GOLM2: variants seen among roughly 807,000 people sequenced by gnomAD.
The protein encoded by GOLM2 is golgi membrane protein 2.
In GOLM2, 26 loss-of-function variants were observed where a neutral mutation model predicts 55.9. That is an observed-to-expected ratio of 0.47 (90% CI 0.34 to 0.65). GOLM2 has a LOEUF of 0.65. GOLM2 is among the 30% of genes least tolerant of loss of function. The probability of loss-of-function intolerance (pLI) is 0.01; values close to 1 mark genes in which losing one functional copy is unlikely to be tolerated. For missense variants in GOLM2, 486 were observed against 531.8 expected, an observed-to-expected ratio of 0.91 and a Z score of 0.85; for synonymous variants, 165 against 194.6, an observed-to-expected ratio of 0.85 and a Z score of 1.27.
chr15:44,405,694 C>T (rs1374277466), intron 9 of GOLM2, among the ~76,000 whole-genome samples: 2 of 151,938 alleles, frequency 1.3e-5, no homozygotes, highest in African/African-American at 4.8e-5. Context: ...GATCTCAGCT[C>T]ACTGCAACCT....
At chr15:44,331,951 A>C (rs1424292904) in intron 3 of GOLM2, 37 bp from the exon 4 acceptor site, 2 of 1,397,366 alleles carry the variant, frequency 1.4e-6, no homozygotes, top group African/African-American at 2.8e-5. Flanking sequence ...ATCCAATCCA[A>C]GATAATATAA....
At chr15:44,306,342 C>T (rs1279190241) in intron 1 of GOLM2, among the ~76,000 whole-genome samples, 1 of 152,004 alleles carries the variant, frequency 6.6e-6, no homozygotes, top group African/African-American at 2.4e-5. Flanking sequence ...CCTCTGCTGG[C>T]TTCCGACTTT....
chr15:44,363,424 C>A (rs1490927909), intron 6 of GOLM2, among the ~76,000 whole-genome samples: 1 of 152,096 alleles, frequency 6.6e-6, no homozygotes, highest in Admixed American at 6.6e-5. Flanking sequence ...ATTTATGCAG[C>A]CAAAAAACAC....
intron 1 of GOLM2, among the ~76,000 whole-genome samples, chr15:44,316,647 C>T (rs1405493109): frequency 6.6e-6 from 1 of 151,496 alleles, no homozygotes; most frequent in African/African-American, 2.4e-5. Flanking sequence ...CCCAGCTGCC[C>T]AGGAGGCTGA....
intron 2 of GOLM2, among the ~76,000 whole-genome samples, chr15:44,327,411 T>G (rs1218996760): frequency 2.0e-5 from 3 of 151,918 alleles, no homozygotes; most frequent in Admixed American, 1.3e-4. Flanking sequence ...TATATCTATA[T>G]CTCCCTTTTT....
intron 8 of GOLM2, among the ~76,000 whole-genome samples, chr15:44,396,431 C>CG: frequency 6.6e-6 from 1 of 152,164 alleles, no homozygotes; most frequent in East Asian, 1.9e-4. Context: ...TCTCATTTAA[C>CG]ATTTGCTTTC....
chr15:44,337,899 A>G lies in GOLM2; in HGVS notation c.713A>G (p.His238Arg), dbSNP rs144496050. The G allele has an allele frequency of 6.3e-7, 1 of 1,592,468 alleles. No individual in the cohort carries two copies. Among genetic ancestry groups the G allele is most frequent in the African/African-American group, 1.4e-5 (1 of 73,600 alleles). The part of the protein sequence containing the change: ...NEEPSSNHIP[H>R]GKEQIKRGGD... ...GAACCCTCAAGCAATCATATTCCACATGGGAAAGGTATTATTGTTATTATT... is the reference window on the plus strand; with the variant it reads ...GAACCCTCAAGCAATCATATTCCACGTGGGAAAGGTATTATTGTTATTATT... The change falls in exon 5 of 10, where the codon CAT (histidine) becomes CGT (arginine). Residue 238 changes from histidine (H) to arginine (R), a missense_variant. Transcript: ENST00000299957.
chr15:44,394,847 G>A (rs1444118568), intron 8 of GOLM2, among the ~76,000 whole-genome samples: 2 of 152,048 alleles, frequency 1.3e-5, no homozygotes, highest in Non-Finnish European at 2.9e-5. Flanking sequence ...ACTACCAAAT[G>A]AATAAATGAA....
intron 1 of GOLM2, among the ~76,000 whole-genome samples, chr15:44,321,031 C>T (rs2141129308): frequency 6.6e-6 from 1 of 152,272 alleles, no homozygotes; most frequent in East Asian, 1.9e-4. Flanking sequence ...TCCCGGATCT[C>T]TGGATTCTTG....
chr15:44,402,580 G>T (rs1001730058), intron 8 of GOLM2: 3 of 253,080 alleles, frequency 1.2e-5, no homozygotes, highest in African/African-American at 4.4e-5. Flanking sequence ...TTATATTAGA[G>T]AAGTCATTGG....
intron 6 of GOLM2, among the ~76,000 whole-genome samples, chr15:44,369,823 C>T (rs1211422204): frequency 1.3e-5 from 2 of 151,696 alleles, no homozygotes; most frequent in African/African-American, 4.8e-5. Context: ...ATGTGTGTAA[C>T]TTGAGTCCTA....
chr15:44,330,829 G>A (rs2079018207), intron 3 of GOLM2, among the ~76,000 whole-genome samples: 1 of 152,022 alleles, frequency 6.6e-6, no homozygotes, highest in Admixed American at 6.6e-5. Context: ...TACCAGTTTT[G>A]TTGCTTTTAC....
intron 6 of GOLM2, among the ~76,000 whole-genome samples, chr15:44,350,608 C>T (rs1315524630): frequency 6.6e-6 from 1 of 152,178 alleles, no homozygotes; most frequent in Non-Finnish European, 1.5e-5. Flanking sequence ...GGGAATACTT[C>T]CAAACTCATT....
chr15:44,406,378 ACT>A (rs2079597492), intron 9 of GOLM2: 2 of 152,028 alleles, frequency 1.3e-5, no homozygotes, highest in Admixed American at 6.6e-5. Context: ...GCAGAACGAG[ACT>A]CTGTCTCAAA....
chr15:44,294,168 T>TA (rs2078740052), intron 1 of GOLM2, among the ~76,000 whole-genome samples: 1 of 152,184 alleles, frequency 6.6e-6, no homozygotes, highest in African/African-American at 2.4e-5. Flanking sequence ...ACCCCTTTCT[T>TA]ACTTTTTGGT....
chr15:44,328,844 G>T, intron 3 of GOLM2, 57 bp downstream of exon 3: 1 of 1,150,044 alleles, frequency 8.7e-7, no homozygotes, highest in African/African-American at 1.6e-5. Context: ...CCAGCTTTTG[G>T]ACTCAGTTCA....
chr15:44,366,796 AG>A (rs2079288927), intron 6 of GOLM2, among the ~76,000 whole-genome samples: 1 of 152,100 alleles, frequency 6.6e-6, no homozygotes. Flanking sequence ...CAGGAATTCA[AG>A]GTTACAGTTC....
intron 2 of GOLM2, among the ~76,000 whole-genome samples, chr15:44,324,786 C>T (rs1166819954): frequency 1.3e-5 from 2 of 151,792 alleles, no homozygotes; most frequent in Non-Finnish European, 2.9e-5. Flanking sequence ...CCCAGGCAAC[C>T]CATTTCTTAC....
In GOLM2 at chr15:44,415,504, C is replaced by A. The variant is rs775960557; in HGVS notation, c.*2098C>A. ...ATTAGCAGTCTAGACATTTTATAAA[C>A]AGAAATCTTGGACCAATTGATAATA... On this transcript the variant is annotated 3_prime_UTR_variant, in exon 10 of 10. Transcript: ENST00000299957. 6.6e-6 allele frequency: 1 copy of A among 152,568 alleles called. No homozygotes were observed. Among genetic ancestry groups the A allele is most frequent in the Admixed American group, 6.6e-5 (1 of 15,258 alleles). The allele number at this position is 152,568 out of a possible 1,614,324, so 9.5% of individuals were successfully genotyped here.
Sources: gnomAD v4.1 joint callset for allele counts (sites outside exome capture counted in the v4.1 genomes callset) on GRCh38, gnomAD v4.1.1 for gene constraint, MANE v1.5 for transcripts, NCBI Gene and HGNC (gene_info 2026-07-23, HGNC 2026-07-21) for gene names.